Variants in NAALADL2 observed in about 807,000 individuals in gnomAD.
The protein encoded by NAALADL2 is inactive N-acetylated-alpha-linked acidic dipeptidase-like protein 2.
A neutral mutation model predicts 87.2 loss-of-function variants in NAALADL2; 76 were observed. That is an observed-to-expected ratio of 0.87 (90% confidence interval 0.72 to 1.05). The LOEUF is 1.05. Among genes scored for constraint, NAALADL2 ranks in the 50% least tolerant of loss-of-function variants. The pLI is 0.00. For missense variants in NAALADL2, 1,089 were observed against 945.8 expected (o/e 1.15, Z -1.99); for synonymous variants, 354 against 331.0 (o/e 1.07, Z -0.75).
chr3:174,639,277 C>T (rs1203738094), intron 2 of NAALADL2, among the ~76,000 whole-genome samples: 1 of 152,132 alleles, frequency 6.6e-6, no homozygotes, highest in Non-Finnish European at 1.5e-5. Context: ...AAACTTTGTT[C>T]ACCTGTATGT....
chr3:175,649,649 A>G (rs530493607), intron 11 of NAALADL2, among the ~76,000 whole-genome samples: 1 of 152,236 alleles, frequency 6.6e-6, no homozygotes, highest in African/African-American at 2.4e-5. Context: ...AGAGACAGAG[A>G]GAGAGTCCAA....
At chr3:175,014,150 C>G (rs1443363812) in intron 1 of NAALADL2, among the ~76,000 whole-genome samples, 1 of 152,084 alleles carries the variant, frequency 6.6e-6, no homozygotes, top group Non-Finnish European at 1.5e-5. Flanking sequence ...TTTCCAACCT[C>G]ATCTTCTATG....
intron 10 of NAALADL2, among the ~76,000 whole-genome samples, chr3:175,624,361 T>A (rs542561876): frequency 3.4e-4 from 52 of 152,146 alleles, no homozygotes; most frequent in African/African-American, 1.2e-3. Flanking sequence ...CAGCACAGAT[T>A]TGGAAGCATT....
At chr3:175,179,978 A>C (rs919298100) in intron 2 of NAALADL2, among the ~76,000 whole-genome samples, 1 of 151,910 alleles carries the variant, frequency 6.6e-6, no homozygotes, top group Non-Finnish European at 1.5e-5. Context: ...TTTTAAACAC[A>C]TTTCAATTTC....
intron 9 of NAALADL2, among the ~76,000 whole-genome samples, chr3:175,514,318 ATG>A (rs555222462): frequency 1.0e-3 from 154 of 152,300 alleles, no homozygotes; most frequent in African/African-American, 3.5e-3. Context: ...ATGTTGGAAA[ATG>A]TATAGGTTTA....
intron 5 of NAALADL2, among the ~76,000 whole-genome samples, chr3:175,427,404 A>G (rs1362692312): frequency 6.6e-6 from 1 of 152,198 alleles, no homozygotes; most frequent in Non-Finnish European, 1.5e-5. Flanking sequence ...TTAAATGAAT[A>G]TATTTTTCTA....
At chr3:174,938,509 A>T (rs1214316796) in intron 1 of NAALADL2, among the ~76,000 whole-genome samples, 1 of 152,128 alleles carries the variant, frequency 6.6e-6, no homozygotes, top group African/African-American at 2.4e-5. Flanking sequence ...TCTGTATGAT[A>T]GAATGATTTA....
At chr3:175,366,434 A>C (rs1271063644) in intron 5 of NAALADL2, among the ~76,000 whole-genome samples, 1 of 151,722 alleles carries the variant, frequency 6.6e-6, no homozygotes, top group African/African-American at 2.4e-5. Context: ...AAATCGCCAC[A>C]CTGACTTCCA....
At chr3:175,699,402 A>C (rs1374894659) in intron 11 of NAALADL2, among the ~76,000 whole-genome samples, 1 of 152,170 alleles carries the variant, frequency 6.6e-6, no homozygotes, top group Middle Eastern at 3.4e-3. Flanking sequence ...CTCTGTCTTA[A>C]GTTTGCTAAC....
At chr3:175,331,676 C>T (rs1306559813) in intron 5 of NAALADL2, among the ~76,000 whole-genome samples, 3 of 152,130 alleles carry the variant, frequency 2.0e-5, no homozygotes, top group African/African-American at 7.2e-5. Flanking sequence ...AAAAGCCTTT[C>T]TTGTGAGAAC....
In NAALADL2 at chr3:174,838,550, A is replaced by G. The variant is rs572011078; in HGVS notation, c.-9+100804A>G. 9.9e-5 allele frequency among the ~76,000 whole-genome samples: 15 copies of G among 152,108 alleles called. No homozygotes were observed. In the South Asian group the frequency reaches 3.1e-3, roughly 31 times the overall value. ...ATCCAAATCAGTAAAGAGGAAGTCA[A>G]ACTGTCGCTGTCTGCTGATAATATG... On this transcript the variant is annotated intron_variant, in intron 3 of 3. Coordinates refer to the NAALADL2 transcript ENST00000434257.
At chr3:175,032,835 C>T (rs1408289303) in intron 1 of NAALADL2, among the ~76,000 whole-genome samples, 1 of 151,998 alleles carries the variant, frequency 6.6e-6, no homozygotes, top group Admixed American at 6.6e-5. Context: ...AGTCTCAACA[C>T]ATTTGGGCAT....
chr3:175,056,146 G>T (rs1379520050), intron 1 of NAALADL2, among the ~76,000 whole-genome samples: 1 of 152,072 alleles, frequency 6.6e-6, no homozygotes, highest in Non-Finnish European at 1.5e-5. Flanking sequence ...AGATCTGGAG[G>T]GTCCGGCCGC....
chr3:174,560,554 A>G (rs1463826297), intron 2 of NAALADL2, among the ~76,000 whole-genome samples: 2 of 152,232 alleles, frequency 1.3e-5, no homozygotes, highest in Non-Finnish European at 2.9e-5. Context: ...GATGGATAAT[A>G]GTTTTATAAA....
intron 5 of NAALADL2, among the ~76,000 whole-genome samples, chr3:175,328,525 A>G (rs1761020729): frequency 6.6e-6 from 1 of 152,146 alleles, no homozygotes; most frequent in Admixed American, 6.5e-5. Flanking sequence ...TCTTCAGCTC[A>G]AAGTAATCTT....
chr3:175,681,996 T>C (rs7639755), intron 11 of NAALADL2, among the ~76,000 whole-genome samples: 9,758 of 152,192 alleles, frequency 0.064, 429 homozygotes, highest in African/African-American at 0.12. Context: ...GTTAAATGTT[T>C]TCAAGATTAC....
At chr3:175,592,484 G>A (rs999049953) in intron 10 of NAALADL2, among the ~76,000 whole-genome samples, 11 of 151,348 alleles carry the variant, frequency 7.3e-5, no homozygotes, top group African/African-American at 2.7e-4. Context: ...ACCTTTTCAC[G>A]ACCATGTCAT....
upstream of NAALADL2, among the ~76,000 whole-genome samples, chr3:174,857,922 C>T (rs1726036022): frequency 1.3e-5 from 2 of 151,830 alleles, no homozygotes; most frequent in South Asian, 4.1e-4. Context: ...TTGAGAAAAA[C>T]TGTTGTTTGA....
At chr3:175,110,132 A>T (rs886451535) in intron 2 of NAALADL2, among the ~76,000 whole-genome samples, 17 of 151,830 alleles carry the variant, frequency 1.1e-4, no homozygotes, top group Non-Finnish European at 7.4e-5. Flanking sequence ...TTACATACAG[A>T]ACTCTTATGG....
Sources: allele counts gnomAD v4.1 joint callset (sites outside exome capture counted in the v4.1 genomes callset), GRCh38; gene constraint gnomAD v4.1.1; transcripts MANE v1.5; gene names NCBI Gene and HGNC (gene_info 2026-07-23, HGNC 2026-07-21).